The following MCTP1 variants were observed in gnomAD, a reference collection of about 807,000 sequenced individuals.
The protein encoded by MCTP1 is multiple C2 and transmembrane domain-containing protein 1.
MCTP1 carries 69 observed loss-of-function variants against 120.6 expected under a neutral mutation model. The observed-to-expected ratio is 0.57, with a 90% CI of 0.47 to 0.70. The LOEUF (loss-of-function observed/expected upper bound fraction) is 0.70, where lower values mean the gene tolerates loss of function less well. Among genes scored for constraint, MCTP1 ranks in the 30% least tolerant of loss-of-function variants. The pLI is 0.00. For synonymous variants in MCTP1, 529 were observed against 493.1 expected, an observed-to-expected ratio of 1.07 and a Z score of -0.96; for missense variants, 1,203 against 1,248.8, an observed-to-expected ratio of 0.96 and a Z score of 0.55.
At chr5:95,138,850 A>G (rs937272674) in intron 1 of MCTP1, among the ~76,000 whole-genome samples, 2 of 152,212 alleles carry the variant, frequency 1.3e-5, no homozygotes, top group Non-Finnish European at 2.9e-5. Flanking sequence ...ATTTTTAACT[A>G]GTTGTAATGT....
At chr5:95,193,320 A>C (rs1750027918) in intron 1 of MCTP1, among the ~76,000 whole-genome samples, 1 of 152,108 alleles carries the variant, frequency 6.6e-6, no homozygotes, top group Non-Finnish European at 1.5e-5. Context: ...GTGACTCCAT[A>C]AGGTTATTTA....
chr5:95,090,740 T>C (rs1657034067), intron 1 of MCTP1, among the ~76,000 whole-genome samples: 1 of 152,168 alleles, frequency 6.6e-6, no homozygotes, highest in Non-Finnish European at 1.5e-5. Flanking sequence ...CAACCTAGGA[T>C]GACATCTGCT....
chr5:95,170,688 C>G (rs539757102), intron 1 of MCTP1, among the ~76,000 whole-genome samples: 127 of 152,184 alleles, frequency 8.3e-4, no homozygotes, highest in Non-Finnish European at 1.1e-3. Context: ...CTCTTTTGAT[C>G]TTTGTTGGTT....
intron 10 of MCTP1, among the ~76,000 whole-genome samples, chr5:94,906,726 T>C (rs1425478623): frequency 6.6e-6 from 1 of 152,210 alleles, no homozygotes; most frequent in African/African-American, 2.4e-5. Context: ...TAAACTAGTC[T>C]ATATAGATAA....
chr5:95,142,069 CT>C (rs1456391276), intron 1 of MCTP1, among the ~76,000 whole-genome samples: 1 of 144,976 alleles, frequency 6.9e-6, no homozygotes, highest in Non-Finnish European at 1.5e-5. Flanking sequence ...AAAATTATTT[CT>C]TCATTGACTC....
At chr5:94,773,592 C>A (rs1301485319) in intron 19 of MCTP1, among the ~76,000 whole-genome samples, 1 of 152,024 alleles carries the variant, frequency 6.6e-6, no homozygotes, top group Admixed American at 6.6e-5. Flanking sequence ...TAAAGACATA[C>A]CCAAGACTGG....
intron 1 of MCTP1, among the ~76,000 whole-genome samples, chr5:95,233,392 G>A (rs922076283): frequency 9.3e-5 from 14 of 150,636 alleles, no homozygotes; most frequent in South Asian, 2.1e-4. Context: ...GCAGTGGCAC[G>A]ATCTCAGCTC....
At chr5:95,225,058 A>C (rs1582587656) in intron 1 of MCTP1, among the ~76,000 whole-genome samples, 1 of 145,956 alleles carries the variant, frequency 6.9e-6, no homozygotes, top group Non-Finnish European at 1.6e-5. Flanking sequence ...CCAATCAACC[A>C]CAGAGATTTT....
intron 20 of MCTP1, among the ~76,000 whole-genome samples, chr5:94,712,326 G>C (rs1486195447): frequency 6.6e-6 from 1 of 151,992 alleles, no homozygotes; most frequent in Non-Finnish European, 1.5e-5. Context: ...AGGCCCCTAA[G>C]ACACTTCAGC....
At chr5:95,129,759 G>A (rs1348570121) in intron 1 of MCTP1, among the ~76,000 whole-genome samples, 2 of 151,934 alleles carry the variant, frequency 1.3e-5, no homozygotes, top group Admixed American at 6.6e-5. Context: ...TTCTGGGTTC[G>A]AGCAATTCTC....
chr5:95,178,030 T>A (rs1748207643), intron 1 of MCTP1, among the ~76,000 whole-genome samples: 1 of 152,190 alleles, frequency 6.6e-6, no homozygotes, highest in Non-Finnish European at 1.5e-5. Context: ...TGCTCCTAAG[T>A]GGACTGCAGG....
chr5:95,074,095 G>A (rs928418927), intron 1 of MCTP1, among the ~76,000 whole-genome samples: 16 of 152,102 alleles, frequency 1.1e-4, no homozygotes, highest in Admixed American at 7.9e-4. Flanking sequence ...CAGCCTGGGC[G>A]ACAGAGTGAG....
chr5:95,180,333 T>C (rs1046104220), intron 1 of MCTP1, among the ~76,000 whole-genome samples: 5 of 152,248 alleles, frequency 3.3e-5, no homozygotes, highest in African/African-American at 4.8e-5. Context: ...AACATTCCAG[T>C]TGGGCCTTAG....
chr5:94,752,498 A>G (rs1324024727), intron 19 of MCTP1, among the ~76,000 whole-genome samples: 2 of 152,144 alleles, frequency 1.3e-5, no homozygotes, highest in Non-Finnish European at 2.9e-5. Context: ...TCTCAAACTC[A>G]GGTGCCTAAG....
At chr5:94,907,372 A>G (rs1317325767) in intron 10 of MCTP1, among the ~76,000 whole-genome samples, 1 of 152,214 alleles carries the variant, frequency 6.6e-6, no homozygotes, top group African/African-American at 2.4e-5. Context: ...TGTGTAAACC[A>G]GTATAAACCA....
intron 19 of MCTP1, among the ~76,000 whole-genome samples, chr5:94,766,715 T>C (rs1407327192): frequency 1.4e-5 from 2 of 148,140 alleles, no homozygotes; most frequent in East Asian, 3.9e-4. Context: ...CCTGGACACA[T>C]ACAGCCTACC....
chr5:95,219,408 A>G (rs556974522), intron 1 of MCTP1, among the ~76,000 whole-genome samples: 1 of 152,188 alleles, frequency 6.6e-6, no homozygotes, highest in South Asian at 2.1e-4. Context: ...AATCCTTTTA[A>G]AATAATTTAT....
chr5:94,756,332 T>C (rs933602296), intron 19 of MCTP1, among the ~76,000 whole-genome samples: 5 of 152,154 alleles, frequency 3.3e-5, no homozygotes, highest in Admixed American at 1.3e-4. Flanking sequence ...TTGGCAGCAA[T>C]TGTAAGATGT....
chr5:94,756,031 T>C (rs1769764100), intron 19 of MCTP1, among the ~76,000 whole-genome samples: 1 of 152,242 alleles, frequency 6.6e-6, no homozygotes. Flanking sequence ...TGGGCACCCA[T>C]GGCCGACAGT....
Sources: allele counts gnomAD v4.1 joint callset (sites outside exome capture counted in the v4.1 genomes callset), GRCh38; gene constraint gnomAD v4.1.1; transcripts MANE v1.5; gene names NCBI Gene and HGNC (gene_info 2026-07-23, HGNC 2026-07-21).